The following KIFC3 variants were observed in gnomAD, a reference collection of about 807,000 sequenced individuals.
KIFC3 encodes kinesin family member C3, also known as kinesin-like protein KIFC3.
A neutral mutation model predicts 101.8 loss-of-function variants in KIFC3; 60 were observed. That is an observed-to-expected ratio of 0.59 (90% CI 0.48 to 0.73). The LOEUF is 0.73. KIFC3 is among the 30% of genes least tolerant of loss of function. The probability of loss-of-function intolerance (pLI) is 0.00; values close to 1 mark genes in which losing one functional copy is unlikely to be tolerated. For missense variants in KIFC3, 966 were observed against 1,137.1 expected, an observed-to-expected ratio of 0.85 and a Z score of 2.16; for synonymous variants, 476 against 482.7, an observed-to-expected ratio of 0.99 and a Z score of 0.18.
intron 1 of KIFC3, among the ~76,000 whole-genome samples, chr16:57,842,025 G>A (rs116374780): frequency 0.02 from 3,114 of 152,016 alleles, 95 homozygotes; most frequent in African/African-American, 0.071. Context: ...TTCTCCCTGC[G>A]TTTGAATCTC....
chr16:57,797,763 G>A, intron 2 of KIFC3: 1 of 1,281,700 alleles, frequency 7.8e-7, no homozygotes, highest in Non-Finnish European at 9.9e-7. Flanking sequence ...GCCAAGGACG[G>A]CAGCCCGCAG....
Position 57,769,737 on chromosome 16 carries a change from C to A in KIFC3, c.1088-12G>T. On this transcript the variant is annotated splice_polypyrimidine_tract_variant and intron_variant, in intron 8 of 19. Transcript: ENST00000445690. This position sits in a 1 kb window ranked among gnomAD's most constrained non-coding sequence, Gnocchi z 4.3. ...GTTGGTCCGGACGCCTATGGGGACA[C>A]TCGGGCTGTGAGGCGGGAGGGGATG... 3 of 1,612,956 alleles carry A rather than the reference C, an allele frequency of 1.9e-6. No homozygotes were observed. The highest frequency in any genetic ancestry group is 2.5e-6 in the Non-Finnish European group (3 of 1,179,792).
At chr16:57,841,010 T>C (rs1460747153) in intron 1 of KIFC3, among the ~76,000 whole-genome samples, 1 of 152,230 alleles carries the variant, frequency 6.6e-6, no homozygotes, top group Non-Finnish European at 1.5e-5. Context: ...GCTTCAACCC[T>C]GTCACGTTCT....
At chr16:57,785,206 G>A (rs71387195) in intron 3 of KIFC3, among the ~76,000 whole-genome samples, 5,201 of 152,230 alleles carry the variant, frequency 0.034, 130 homozygotes, top group Non-Finnish European at 0.055. Flanking sequence ...CCTGGTAACC[G>A]CAAGGAGATG....
At chr16:57,789,937 A>C (rs1555619505) in intron 3 of KIFC3, among the ~76,000 whole-genome samples, 1 of 151,618 alleles carries the variant, frequency 6.6e-6, no homozygotes, top group Non-Finnish European at 1.5e-5. Context: ...GGGTTTCACC[A>C]CGTTGGCCAG....
At chr16:57,785,205 C>T (rs575056935) in intron 3 of KIFC3, among the ~76,000 whole-genome samples, 155 of 152,240 alleles carry the variant, frequency 1.0e-3, no homozygotes, top group African/African-American at 3.5e-3. Context: ...CCCTGGTAAC[C>T]GCAAGGAGAT....
intron 11 of KIFC3, 38 bp from the exon 12 acceptor site, chr16:57,764,285 T>C: frequency 8.1e-7 from 1 of 1,238,326 alleles, no homozygotes; most frequent in Non-Finnish European, 1.2e-6. Context: ...TGGGGGGGCT[T>C]CCAGGGCCGC....
intron 9 of KIFC3, among the ~76,000 whole-genome samples, chr16:57,768,509 T>TCACACACACACACACACA (rs61591593): frequency 0.14 from 19,496 of 138,868 alleles, 1,554 homozygotes; most frequent in Middle Eastern, 0.24. Context: ...CCATATATTC[T>TCACACACACACACACACA]CACACACACA....
At chr16:57,764,050 AAC>A in intron 12 of KIFC3, 91 bp downstream of exon 12, 9 of 900,952 alleles carry the variant, frequency 1.0e-5, no homozygotes, top group South Asian at 2.8e-5. Flanking sequence ...AATGAGGCAA[AAC>A]ACACACTGCA....
In KIFC3 at chr16:57,802,037, G is replaced by A. The variant is rs547417246; in HGVS notation, c.-40+333C>T. Among the ~76,000 whole-genome samples the A allele has an allele frequency of 6.6e-5, 10 of 152,372 alleles. No homozygotes were observed. The East Asian group carries it at 1.9e-3, about 29-fold the overall frequency. The stretch of plus-strand genomic sequence containing the variant: ...GGGGTGGGGAAGACGCCAGGAAGGG[G>A]AGAGGGCGGCGCCGATTGACAAGCC... On this transcript the variant is annotated intron_variant, in intron 1 of 19. Coordinates refer to ENST00000445690, the MANE Select transcript of KIFC3 (RefSeq NM_001130100.2). This position sits in a 1 kb window ranked among gnomAD's most constrained non-coding sequence, Gnocchi z 5.0.
chr16:57,812,482 T>C lies in KIFC3; in HGVS notation c.109-14200A>G, dbSNP rs570236501. On this transcript the variant is annotated intron_variant, in intron 1 of 2. Coordinates refer to the KIFC3 transcript ENST00000563028. Reference sequence around the variant, plus strand: ...GCCTCACTCCAGAGTCCAGGAAAGGTGTGTGTGAAGACACCCAGTGGCAGG... The same window carrying C: ...GCCTCACTCCAGAGTCCAGGAAAGGCGTGTGTGAAGACACCCAGTGGCAGG... Among the ~76,000 whole-genome samples the C allele has an allele frequency of 2.6e-5, 4 of 151,724 alleles. No individual in the cohort carries two copies. In the South Asian group the frequency reaches 8.3e-4, roughly 32 times the overall value.
chr16:57,815,653 AAGT>A, intron 1 of KIFC3: 1 of 1,289,662 alleles, frequency 7.8e-7, no homozygotes, highest in Non-Finnish European at 1.0e-6. Flanking sequence ...AACGTAAGTG[AAGT>A]GGGTATTCCT....
At chr16:57,759,246 A>G in intron 18 of KIFC3, 93 bp from the exon 19 acceptor site, 1 of 1,436,370 alleles carries the variant, frequency 7.0e-7, no homozygotes, top group Non-Finnish European at 9.6e-7. Flanking sequence ...GGACTCAAGG[A>G]TGGGCCAGGC....
At chr16:57,775,651 GCCGT>G in intron 3 of KIFC3, 3 of 985,548 alleles carry the variant, frequency 3.0e-6, no homozygotes, top group Non-Finnish European at 3.6e-6. Context: ...GCCAGCAAGG[GCCGT>G]CCATGTCTCT....
intron 2 of KIFC3, 55 bp from the exon 3 acceptor site, chr16:57,795,196 T>C: frequency 1.3e-6 from 2 of 1,587,332 alleles, no homozygotes; most frequent in South Asian, 1.1e-5. Context: ...CAAAGACTGC[T>C]AGCCATGGAC....
At chr16:57,830,523 C>T (rs1447676188) in intron 1 of KIFC3, 1 of 152,168 alleles carries the variant, frequency 6.6e-6, no homozygotes, top group African/African-American at 2.4e-5. Flanking sequence ...AGGCATGAGC[C>T]ACCACACCCG....
chr16:57,769,109 C>CA lies in KIFC3; in HGVS notation c.1218+485_1218+486insT, dbSNP rs1281597580. Among the ~76,000 whole-genome samples, 2 of 152,216 alleles carry CA rather than the reference C, an allele frequency of 1.3e-5. No individual in the cohort carries two copies. Among genetic ancestry groups the CA allele is most frequent in the Non-Finnish European group, 1.5e-5 (1 of 68,046 alleles). ...AGTGCAGTGGCATGATCTTGGTTCA[C>CA]CGCAACCTCCGCCTTCTGGGTTCAA... On this transcript the variant is annotated intron_variant, in intron 9 of 19. Transcript: ENST00000445690. This position sits in a 1 kb window ranked among gnomAD's most constrained non-coding sequence, Gnocchi z 4.3.
chr16:57,825,047 A>G (rs550758376), intron 1 of KIFC3, among the ~76,000 whole-genome samples: 3 of 152,326 alleles, frequency 2.0e-5, no homozygotes, highest in African/African-American at 4.8e-5. Flanking sequence ...GGATGTCAAC[A>G]GGGCACTTCA....
Position 57,802,253 on chromosome 16 carries a change from G to C in KIFC3, c.-40+117C>G, listed in dbSNP as rs78067692. The C allele has an allele frequency of 4.5e-6, 2 of 446,572 alleles. No homozygotes were observed. Among genetic ancestry groups the C allele is most frequent in the Non-Finnish European group, 3.0e-6 (1 of 337,280 alleles). 27.7% of individuals were successfully genotyped at this position (446,572 alleles called of 1,614,324 possible). On this transcript the variant is annotated intron_variant, in intron 1 of 19. Transcript: ENST00000445690. The surrounding 1 kb of genome is among the most constrained non-coding windows in gnomAD (Gnocchi z 5.0). ...GCCTTTCCCTCCCCGCGCCCATAGC[G>C]GGTCCGGGCAGAGGGGTCCCGAGGG...
Sources: allele counts gnomAD v4.1 joint callset (sites outside exome capture counted in the v4.1 genomes callset), GRCh38; gene constraint gnomAD v4.1.1; non-coding constraint Gnocchi (gnomAD v3.1); transcripts MANE v1.5; gene names NCBI Gene and HGNC (gene_info 2026-07-23, HGNC 2026-07-21).